Variants in INSC observed in about 807,000 individuals in gnomAD.
The protein encoded by INSC is protein inscuteable homolog.
A neutral mutation model predicts 58.6 loss-of-function variants in INSC; 67 were observed. The observed-to-expected ratio is 1.14, with a 90% CI of 0.94 to 1.40. INSC has a LOEUF of 1.40. Ranked by LOEUF, INSC falls within the 40% of genes most tolerant of loss-of-function variation. The pLI is 0.00. For missense variants in INSC, 714 were observed against 692.0 expected (o/e 1.03, Z -0.36); for synonymous variants, 262 against 276.1 (o/e 0.95, Z 0.51).
chr11:15,233,808 G>A (rs1425628184), intron 9 of INSC, among the ~76,000 whole-genome samples: 3 of 151,966 alleles, frequency 2.0e-5, no homozygotes, highest in Non-Finnish European at 4.4e-5. Flanking sequence ...CCTGGTGATG[G>A]TGGGATGTCT....
At chr11:15,214,982 T>A (rs995362534) in intron 7 of INSC, among the ~76,000 whole-genome samples, 8 of 152,336 alleles carry the variant, frequency 5.3e-5, no homozygotes, top group African/African-American at 1.9e-4. Context: ...CGATTCTTTA[T>A]AAATCACCCA....
At chr11:15,226,554 A>G (rs953163869) in intron 9 of INSC, among the ~76,000 whole-genome samples, 5 of 152,080 alleles carry the variant, frequency 3.3e-5, no homozygotes, top group Non-Finnish European at 7.4e-5. Context: ...GGGGTGGTAG[A>G]TTAGGTGGTC....
intron 2 of INSC, among the ~76,000 whole-genome samples, chr11:15,164,924 C>T (rs1056089829): frequency 1.3e-5 from 2 of 152,160 alleles, no homozygotes; most frequent in African/African-American, 4.8e-5. Flanking sequence ...TGCCTTTCGC[C>T]TTCTGCTATG....
intron 7 of INSC, among the ~76,000 whole-genome samples, chr11:15,216,786 T>C (rs1851236158): frequency 6.6e-6 from 1 of 152,014 alleles, no homozygotes; most frequent in Non-Finnish European, 1.5e-5. Context: ...AAAGGACTTC[T>C]GGAGAGAAGC....
At chr11:15,253,368 C>A in the INSC span, among the ~76,000 whole-genome samples, 1 of 152,148 alleles carries the variant, frequency 6.6e-6, no homozygotes, top group African/African-American at 2.4e-5. Flanking sequence ...ACAAATGACA[C>A]TACATAAGCT....
chr11:15,161,205 T>G (rs1294437780), intron 2 of INSC, among the ~76,000 whole-genome samples: 1 of 152,206 alleles, frequency 6.6e-6, no homozygotes, highest in Non-Finnish European at 1.5e-5. Context: ...ATGCCACAAA[T>G]TACTCTCAGT....
chr11:15,252,671 C>A, the INSC span, among the ~76,000 whole-genome samples: 1 of 152,174 alleles, frequency 6.6e-6, no homozygotes, highest in Non-Finnish European at 1.5e-5. Flanking sequence ...TAGATGACTT[C>A]TGACACATTT....
intron 2 of INSC, among the ~76,000 whole-genome samples, chr11:15,152,303 T>C (rs1309180847): frequency 6.6e-6 from 1 of 152,194 alleles, no homozygotes; most frequent in Non-Finnish European, 1.5e-5. Flanking sequence ...ATCAGTGTTG[T>C]TGTCCATTGG....
At chr11:15,257,878 T>C in the INSC span, among the ~76,000 whole-genome samples, 2 of 152,048 alleles carry the variant, frequency 1.3e-5, no homozygotes, top group African/African-American at 4.8e-5. Flanking sequence ...TGCATGACAA[T>C]GAATTTCTGT....
At chr11:15,242,171 A>T (rs1448050623) in intron 12 of INSC, among the ~76,000 whole-genome samples, 1 of 152,228 alleles carries the variant, frequency 6.6e-6, no homozygotes, top group Admixed American at 6.5e-5. Context: ...CCACTGCCTG[A>T]CACTGAATAG....
chr11:15,250,241 A>G (rs12276878), downstream of INSC, among the ~76,000 whole-genome samples: 10,766 of 152,072 alleles, frequency 0.071, 763 homozygotes, highest in African/African-American at 0.18. Flanking sequence ...TTACCACTTT[A>G]CTGTTGTTGA....
chr11:15,156,645 T>A (rs1208435667), intron 2 of INSC, among the ~76,000 whole-genome samples: 1 of 152,206 alleles, frequency 6.6e-6, no homozygotes, highest in Non-Finnish European at 1.5e-5. Flanking sequence ...CAATGAGGTC[T>A]TAGACAAGTT....
chr11:15,197,280 A>G (rs1850407591), intron 6 of INSC, among the ~76,000 whole-genome samples: 1 of 152,222 alleles, frequency 6.6e-6, no homozygotes, highest in African/African-American at 2.4e-5. Flanking sequence ...AAGCAGAGAA[A>G]AGATTCAGGG....
chr11:15,212,721 C>T (rs1851075228), intron 7 of INSC, among the ~76,000 whole-genome samples: 1 of 152,110 alleles, frequency 6.6e-6, no homozygotes, highest in African/African-American at 2.4e-5. Flanking sequence ...TATTTACTTA[C>T]TGTTTTTAAT....
chr11:15,127,716 G>A (rs1423204452), intron 1 of INSC, among the ~76,000 whole-genome samples: 1 of 152,170 alleles, frequency 6.6e-6, no homozygotes, highest in Non-Finnish European at 1.5e-5. Flanking sequence ...GGGTCATTAT[G>A]CCCTTCGGGG....
chr11:15,239,119 TG>T (rs748427128), intron 11 of INSC, 45 bp downstream of exon 11: 2 of 1,576,378 alleles, frequency 1.3e-6, no homozygotes, highest in Admixed American at 1.7e-5. Context: ...GTGGGGGTAT[TG>T]GGGGTGGGAG....
intron 7 of INSC, among the ~76,000 whole-genome samples, chr11:15,217,805 T>G (rs983271661): frequency 1.3e-5 from 2 of 152,158 alleles, no homozygotes; most frequent in African/African-American, 4.8e-5. Context: ...TTCAACCTCA[T>G]TAGGAAGTGG....
chr11:15,190,850 T>TG, intron 6 of INSC, 36 bp downstream of exon 6: 1 of 1,416,204 alleles, frequency 7.1e-7, no homozygotes, highest in Non-Finnish European at 1.0e-6. Flanking sequence ...ATGGCAGGCC[T>TG]GGGGAAGTAT....
upstream of INSC, chr11:15,114,790 G>A: frequency 4.0e-6 from 1 of 248,330 alleles, no homozygotes; most frequent in Non-Finnish European, 6.4e-6. Context: ...ACCAAGGCTT[G>A]GCAGGGAGCG....
Sources: allele counts gnomAD v4.1 joint callset (sites outside exome capture counted in the v4.1 genomes callset), GRCh38; gene constraint gnomAD v4.1.1; transcripts MANE v1.5; gene names NCBI Gene and HGNC (gene_info 2026-07-23, HGNC 2026-07-21).